HDAC9: variants seen among roughly 807,000 people sequenced by gnomAD.
HDAC9 encodes the protein MEF-2 interacting transcription repressor (MITR) protein.
HDAC9 carries 41 observed loss-of-function variants against 139.4 expected under a neutral mutation model. The observed-to-expected ratio is 0.29, with a 90% confidence interval of 0.23 to 0.38. The LOEUF (loss-of-function observed/expected upper bound fraction) is 0.38, where lower values mean the gene tolerates loss of function less well. HDAC9 is among the 10% of genes least tolerant of loss of function. The probability of loss-of-function intolerance (pLI) is 1.00; values close to 1 mark genes in which losing one functional copy is unlikely to be tolerated. For synonymous variants in HDAC9, 517 were observed against 476.2 expected (o/e 1.09, Z -1.12); for missense variants, 1,147 against 1,297.0 (o/e 0.88, Z 1.78).
intron 2 of HDAC9, among the ~76,000 whole-genome samples, chr7:18,574,756 GC>G (rs1825477581): frequency 6.6e-6 from 1 of 152,368 alleles, no homozygotes. Flanking sequence ...CACATACCCA[GC>G]CGGGTTGCGA....
intron 2 of HDAC9, among the ~76,000 whole-genome samples, chr7:18,211,645 A>G (rs975220600): frequency 6.6e-5 from 10 of 152,224 alleles, no homozygotes; most frequent in African/African-American, 2.4e-4. Context: ...CACATATTCT[A>G]CATCTGTGCC....
intron 17 of HDAC9, among the ~76,000 whole-genome samples, chr7:18,824,044 G>GAAGAAGAAGAAGAAGAAGAA (rs1795197769): frequency 1.5e-5 from 1 of 67,118 alleles, no homozygotes; most frequent in African/African-American, 4.6e-5. Context: ...AAGAGGAAGA[G>GAAGAAGAAGAAGAAGAAGAA]GAAGAAGAAG....
At chr7:18,485,926 G>T (rs1795940659) in intron 1 of HDAC9, among the ~76,000 whole-genome samples, 1 of 152,022 alleles carries the variant, frequency 6.6e-6, no homozygotes, top group Admixed American at 6.6e-5. Flanking sequence ...AGTCTGTTTT[G>T]TGTTGCTGTA....
At chr7:18,858,684 CAG>C (rs1043651678) in intron 21 of HDAC9, among the ~76,000 whole-genome samples, 2 of 152,126 alleles carry the variant, frequency 1.3e-5, no homozygotes, top group Non-Finnish European at 2.9e-5. Context: ...TCTAACTAGT[CAG>C]AGTATATTTT....
chr7:18,519,100 C>T (rs1468415986), intron 2 of HDAC9, among the ~76,000 whole-genome samples: 1 of 152,126 alleles, frequency 6.6e-6, no homozygotes, highest in East Asian at 1.9e-4. Flanking sequence ...GACCCTACTT[C>T]ATAGATCAAT....
At chr7:18,267,522 C>T (rs1158801487) in intron 2 of HDAC9, among the ~76,000 whole-genome samples, 1 of 152,060 alleles carries the variant, frequency 6.6e-6, no homozygotes, top group Non-Finnish European at 1.5e-5. Context: ...TAGAATTCTA[C>T]CTATAAGTGA....
chr7:18,918,785 G>C (rs1402321382), intron 22 of HDAC9, among the ~76,000 whole-genome samples: 3 of 151,982 alleles, frequency 2.0e-5, no homozygotes, highest in Admixed American at 6.6e-5. Context: ...CAAAGAACCT[G>C]CTTTTCCTTG....
chr7:18,659,626 A>G (rs1792494680), intron 11 of HDAC9, among the ~76,000 whole-genome samples: 1 of 152,088 alleles, frequency 6.6e-6, no homozygotes, highest in African/African-American at 2.4e-5. Context: ...TAGCACAGAG[A>G]ATAGAGAGAC....
Position 18,752,255 on chromosome 7 carries a change from T to C in HDAC9, c.2043+3117T>C, listed in dbSNP as rs1264363963. The stretch of plus-strand genomic sequence containing the variant: ...GTGATCTGTGTGCCTGGTGGGTATT[T>C]AGGCTAGTTGAAAGCGCAAGAAGGG... On this transcript the variant is annotated intron_variant, in intron 14 of 25. Transcript: ENST00000686413. 2.6e-5 allele frequency among the ~76,000 whole-genome samples: 4 copies of C among 152,088 alleles called. No individual in the cohort carries two copies. In the East Asian group the frequency reaches 5.8e-4, roughly 22 times the overall value.
At chr7:18,821,117 G>A (rs1480630825) in intron 17 of HDAC9, among the ~76,000 whole-genome samples, 1 of 152,208 alleles carries the variant, frequency 6.6e-6, no homozygotes, top group Admixed American at 6.5e-5. Context: ...TTACAGGGTA[G>A]AAGGCGAAAG....
chr7:18,807,235 G>A (rs1439588732), intron 17 of HDAC9, among the ~76,000 whole-genome samples: 3 of 152,182 alleles, frequency 2.0e-5, no homozygotes, highest in Admixed American at 6.5e-5. Context: ...CAATTTGTTG[G>A]CATATAGTTA....
At chr7:18,938,619 A>G (rs1781819932) in intron 23 of HDAC9, among the ~76,000 whole-genome samples, 1 of 152,192 alleles carries the variant, frequency 6.6e-6, no homozygotes, top group Non-Finnish European at 1.5e-5. Flanking sequence ...ATAAAAAAAA[A>G]TCTCAAAATG....
intron 1 of HDAC9, among the ~76,000 whole-genome samples, chr7:18,433,353 C>G (rs999902746): frequency 2.2e-4 from 34 of 152,172 alleles, no homozygotes; most frequent in African/African-American, 8.2e-4. Flanking sequence ...TGCCCACTTT[C>G]ACCACTCCTA....
chr7:18,096,203 C>T (rs1782489907), intron 1 of HDAC9, among the ~76,000 whole-genome samples: 1 of 152,200 alleles, frequency 6.6e-6, no homozygotes, highest in Admixed American at 6.5e-5. Context: ...AGGATGCATG[C>T]ATTATCTTCA....
At chr7:18,565,816 AAAAGT>A (rs1345661481) in intron 2 of HDAC9, among the ~76,000 whole-genome samples, 1 of 152,166 alleles carries the variant, frequency 6.6e-6, no homozygotes, top group African/African-American at 2.4e-5. Context: ...AGAAAGAAAG[AAAAGT>A]ATTCTAAGAT....
intron 1 of HDAC9, among the ~76,000 whole-genome samples, chr7:18,303,332 G>A (rs1798676508): frequency 6.6e-6 from 1 of 151,386 alleles, no homozygotes; most frequent in South Asian, 2.1e-4. Flanking sequence ...TCAGCCTTCC[G>A]AGTGGCTGGG....
At chr7:18,396,535 C>T (rs567281384) in intron 1 of HDAC9, among the ~76,000 whole-genome samples, 131 of 152,142 alleles carry the variant, frequency 8.6e-4, no homozygotes, top group Non-Finnish European at 1.4e-3. Flanking sequence ...ACTTGATTTT[C>T]CATTTTAGGC....
intron 22 of HDAC9, among the ~76,000 whole-genome samples, chr7:18,897,890 GC>G (rs146119580): frequency 0.016 from 2,469 of 150,712 alleles, 25 homozygotes; most frequent in Non-Finnish European, 0.025. Flanking sequence ...TGGATCCAAT[GC>G]TTTTAAATAT....
intron 1 of HDAC9, among the ~76,000 whole-genome samples, chr7:18,468,338 G>A (rs1282193695): frequency 6.6e-6 from 1 of 151,980 alleles, no homozygotes; most frequent in Non-Finnish European, 1.5e-5. Flanking sequence ...AGATCAGTGT[G>A]GACACATGGA....
Sources: allele counts gnomAD v4.1 joint callset (sites outside exome capture counted in the v4.1 genomes callset), GRCh38; gene constraint gnomAD v4.1.1; transcripts MANE v1.5; gene names NCBI Gene and HGNC (gene_info 2026-07-23, HGNC 2026-07-21).